ANKMY1: variants seen among roughly 807,000 people sequenced by gnomAD.
ANKMY1 encodes ankyrin repeat and MYND domain-containing protein 1.
ANKMY1 carries 98 observed loss-of-function variants against 102.0 expected under a neutral mutation model. The observed-to-expected ratio is 0.96, with a 90% CI of 0.82 to 1.14. The LOEUF is 1.14. Among genes scored for constraint, ANKMY1 ranks in the 50% most tolerant of loss-of-function variants. The probability of loss-of-function intolerance (pLI) is 0.00; values close to 1 mark genes in which losing one functional copy is unlikely to be tolerated. For missense variants in ANKMY1, 1,330 were observed against 1,347.6 expected, an observed-to-expected ratio of 0.99 and a Z score of 0.20; for synonymous variants, 582 against 559.9, an observed-to-expected ratio of 1.04 and a Z score of -0.56.
chr2:240,559,835 A>G (rs2092791809), upstream of ANKMY1, among the ~76,000 whole-genome samples: 1 of 152,246 alleles, frequency 6.6e-6, no homozygotes, highest in Admixed American at 6.5e-5. Context: ...ACGATAACCC[A>G]GAGAGAGACT....
intron 15 of ANKMY1, among the ~76,000 whole-genome samples, chr2:240,487,745 A>C (rs10206928): frequency 6.6e-6 from 1 of 151,814 alleles, no homozygotes; most frequent in African/African-American, 2.4e-5. Context: ...ACAGATGAGC[A>C]TTTTTTCATA....
chr2:240,537,070 G>GA (rs976115606), intron 4 of ANKMY1, among the ~76,000 whole-genome samples: 1 of 151,862 alleles, frequency 6.6e-6, no homozygotes, highest in Admixed American at 6.6e-5. Context: ...AAAAAGAAAA[G>GA]AAAAAAACAG....
intron 15 of ANKMY1, among the ~76,000 whole-genome samples, chr2:240,484,948 A>G (rs1400981870): frequency 6.6e-6 from 1 of 152,220 alleles, no homozygotes; most frequent in Non-Finnish European, 1.5e-5. Flanking sequence ...ACATGAAAAA[A>G]AGCTCATCAT....
At chr2:240,513,709 A>G (rs6730110) in intron 9 of ANKMY1, among the ~76,000 whole-genome samples, 123,125 of 152,234 alleles carry the variant, frequency 0.81, 50,001 homozygotes, top group East Asian at 0.98. Flanking sequence ...CACCTGAGGC[A>G]GAGGGCAGGG....
chr2:240,538,672 T>G (rs2087658484), intron 4 of ANKMY1, among the ~76,000 whole-genome samples: 1 of 152,108 alleles, frequency 6.6e-6, no homozygotes, highest in South Asian at 2.1e-4. Flanking sequence ...AGTGAGGCAC[T>G]GACGGGCACC....
intron 4 of ANKMY1, among the ~76,000 whole-genome samples, chr2:240,543,532 T>C (rs1266198947): frequency 6.6e-6 from 1 of 152,176 alleles, no homozygotes; most frequent in Non-Finnish European, 1.5e-5. Flanking sequence ...TGTGAATTTT[T>C]TGATAAGTAC....
intron 15 of ANKMY1, among the ~76,000 whole-genome samples, chr2:240,485,559 C>T (rs1218092992): frequency 6.6e-6 from 1 of 151,808 alleles, no homozygotes; most frequent in Non-Finnish European, 1.5e-5. Flanking sequence ...TTAGTGGTCA[C>T]ATCAGCCTTT....
At chr2:240,478,252 G>A (rs1039669053), downstream of ANKMY1, among the ~76,000 whole-genome samples, 4 of 152,156 alleles carry the variant, frequency 2.6e-5, no homozygotes, top group Non-Finnish European at 4.4e-5. Context: ...TACATTTTCC[G>A]GTCTCTGATA....
At chr2:240,494,739 A>C (rs942719795) in intron 15 of ANKMY1, among the ~76,000 whole-genome samples, 1 of 151,980 alleles carries the variant, frequency 6.6e-6, no homozygotes, top group African/African-American at 2.4e-5. Flanking sequence ...TATTCGCTTC[A>C]AGGGTTGGGA....
At position 240,520,650 on chromosome 2, in the gene ANKMY1, G is replaced by A. The variant is rs971994078; in HGVS notation, c.1833-117C>T. On this transcript the variant is annotated intron_variant, in intron 8 of 17. Transcript: ENST00000401804. This position sits in a 1 kb window ranked among gnomAD's most constrained non-coding sequence, Gnocchi z 4.8. ...GGCGCGTAGGGAGTATGTGTGTGCCGCAACTACACAATCACACACACAGCA... is the reference window on the plus strand; with the variant it reads ...GGCGCGTAGGGAGTATGTGTGTGCCACAACTACACAATCACACACACAGCA... The A allele has an allele frequency of 7.1e-5, 90 of 1,262,356 alleles. No individual in the cohort carries two copies. The highest frequency in any genetic ancestry group is 8.9e-5 in the Non-Finnish European group (83 of 934,934). The allele number at this position is 1,262,356 out of a possible 1,614,324, so 78.2% of individuals were successfully genotyped here.
At chr2:240,549,211 C>A (rs1470408763) in intron 4 of ANKMY1, among the ~76,000 whole-genome samples, 1 of 151,400 alleles carries the variant, frequency 6.6e-6, no homozygotes, top group African/African-American at 2.4e-5. Context: ...AATAACGCCG[C>A]ATATCTACAA....
At chr2:240,521,766 G>C (rs571392010) in intron 8 of ANKMY1, among the ~76,000 whole-genome samples, 2 of 152,204 alleles carry the variant, frequency 1.3e-5, no homozygotes, top group South Asian at 4.1e-4. Context: ...CCAAAGTGCT[G>C]GGATTACAGG....
chr2:240,500,710 G>T, intron 13 of ANKMY1, 145 bp from the exon 14 acceptor site: 1 of 646,534 alleles, frequency 1.5e-6, no homozygotes. Flanking sequence ...TGAGACAAAC[G>T]GGGAGAGGGA....
chr2:240,494,734 G>A (rs909983845), intron 15 of ANKMY1, among the ~76,000 whole-genome samples: 2 of 151,940 alleles, frequency 1.3e-5, no homozygotes, highest in African/African-American at 4.8e-5. Context: ...TCCTATATTC[G>A]CTTCAAGGGT....
chr2:240,498,276 G>A (rs544281228), intron 15 of ANKMY1, among the ~76,000 whole-genome samples: 95 of 149,418 alleles, frequency 6.4e-4, no homozygotes, highest in Middle Eastern at 7.0e-3. Flanking sequence ...GGGGTTGGAT[G>A]GGGCAGGTGT....
At chr2:240,539,007 C>CA (rs2087785089) in intron 4 of ANKMY1, among the ~76,000 whole-genome samples, 3 of 152,292 alleles carry the variant, frequency 2.0e-5, no homozygotes, top group African/African-American at 4.8e-5. Context: ...AGCACTTTGT[C>CA]AAAATGGACC....
chr2:240,525,064 C>T (rs1378892089), intron 7 of ANKMY1, among the ~76,000 whole-genome samples: 1 of 152,262 alleles, frequency 6.6e-6, no homozygotes, highest in Non-Finnish European at 1.5e-5. Context: ...AAGCACCAGA[C>T]AACTGCAAGC....
At chr2:240,512,547 C>A (rs962854694) in intron 10 of ANKMY1, among the ~76,000 whole-genome samples, 1 of 152,256 alleles carries the variant, frequency 6.6e-6, no homozygotes. Context: ...GGGACCCCCA[C>A]GCCCTGTGGA....
chr2:240,529,163 C>G lies in ANKMY1; in HGVS notation c.827G>C (p.Arg276Pro). 1.2e-6 allele frequency: 2 copies of G among 1,614,158 alleles called. No homozygotes were observed. Among genetic ancestry groups the G allele is most frequent in the Non-Finnish European group, 1.7e-6 (2 of 1,180,034 alleles). Residue 276 changes from arginine (R) to proline (P), a missense_variant, in exon 5 of 18, where the codon CGC becomes CCC. Transcript: ENST00000401804. The surrounding 1 kb of genome is among the most constrained non-coding windows in gnomAD (Gnocchi z 4.2). ...GAAGATGCGGGCGTCCAGCTCTTTG[C>G]GGAAAGAGCTTGTCATGGGCAGGTG... ...SDHLPMTSSF[R>P]KELDARIFLN... is the part of the protein sequence containing the mutation.
Sources: allele counts gnomAD v4.1 joint callset (sites outside exome capture counted in the v4.1 genomes callset), GRCh38; gene constraint gnomAD v4.1.1; non-coding constraint Gnocchi (gnomAD v3.1); transcripts MANE v1.5; gene names NCBI Gene and HGNC (gene_info 2026-07-23, HGNC 2026-07-21).